Variants in SCAF4 observed in about 807,000 individuals in gnomAD.
SCAF4 encodes SR-related and CTD-associated factor 4.
SCAF4 carries 25 observed loss-of-function variants against 129.8 expected under a neutral mutation model. The ratio of observed to expected loss-of-function variants is 0.19; its 90% CI spans 0.14 to 0.27. SCAF4 has a LOEUF of 0.27. Among genes scored for constraint, SCAF4 ranks in the 10% least tolerant of loss-of-function variants. SCAF4 has a pLI of 1.00. For synonymous variants in SCAF4, 551 were observed against 497.7 expected, an observed-to-expected ratio of 1.11 and a Z score of -1.43; for missense variants, 1,246 against 1,457.1, an observed-to-expected ratio of 0.86 and a Z score of 2.36.
intron 1 of SCAF4, 86 bp downstream of exon 1, chr21:31,731,577 C>T: frequency 2.7e-6 from 4 of 1,496,132 alleles, no homozygotes; most frequent in Non-Finnish European, 3.6e-6. Flanking sequence ...CCACCCGGAC[C>T]AAAGCTTTAA....
intron 3 of SCAF4, among the ~76,000 whole-genome samples, chr21:31,704,746 A>G (rs1024212351): frequency 1.3e-5 from 2 of 152,212 alleles, no homozygotes; most frequent in Non-Finnish European, 2.9e-5. Flanking sequence ...ATTTGTTGAC[A>G]GTGCCTATAG....
In SCAF4 at chr21:31,696,574, T is replaced by A; in HGVS notation, c.954A>T (p.Ala318=). ...PAAASPPPPQ[A]PFGFPGDGMQ... is the part of the protein sequence containing the mutation. ...GAATAAAAAAAAAAACTAACAATGG[T>A]GCCTGTGGAGGAGGAGGAGAGGCAG... is the stretch of plus-strand genomic sequence containing the variant. Residue 318 remains alanine, a synonymous_variant, in exon 8 of 20, where the codon GCA becomes GCT. Coordinates refer to ENST00000286835, the MANE Select transcript of SCAF4 (RefSeq NM_020706.2). 6.4e-7 allele frequency: 1 copy of A among 1,571,412 alleles called. No homozygotes were observed.
At chr21:31,702,131 T>C in intron 5 of SCAF4, 113 bp downstream of exon 5, 1 of 1,435,320 alleles carries the variant, frequency 7.0e-7, no homozygotes, top group Non-Finnish European at 9.6e-7. Context: ...TTCCAAGATG[T>C]AAACTCAAGT....
At chr21:31,712,938 C>T in intron 1 of SCAF4, 3 of 877,398 alleles carry the variant, frequency 3.4e-6, no homozygotes, top group Non-Finnish European at 4.1e-6. Context: ...GTCTTGGTCT[C>T]TAACTCCTAC....
chr21:31,686,152 G>A (rs2050116976), intron 16 of SCAF4, among the ~76,000 whole-genome samples: 1 of 147,086 alleles, frequency 6.8e-6, no homozygotes, highest in South Asian at 2.1e-4. Context: ...GCAGTGAGCC[G>A]AGATTGCACC....
intron 3 of SCAF4, among the ~76,000 whole-genome samples, chr21:31,705,202 T>A (rs986928334): frequency 2.0e-5 from 3 of 152,126 alleles, no homozygotes; most frequent in African/African-American, 7.2e-5. Context: ...AACCAACATA[T>A]AAGAAACTGC....
chr21:31,712,222 CTTT>C (rs11408552), intron 1 of SCAF4, among the ~76,000 whole-genome samples: 3 of 135,426 alleles, frequency 2.2e-5, no homozygotes, highest in Non-Finnish European at 3.1e-5. Context: ...TTGTTTGTTG[CTTT>C]TTTTTTTTTT....
At chr21:31,710,781 T>C (rs2050782320) in intron 1 of SCAF4, among the ~76,000 whole-genome samples, 1 of 152,228 alleles carries the variant, frequency 6.6e-6, no homozygotes, top group African/African-American at 2.4e-5. Flanking sequence ...ACATCAGTTT[T>C]TGAAAGTGAT....
intron 1 of SCAF4, among the ~76,000 whole-genome samples, chr21:31,710,507 C>T (rs1390171953): frequency 1.3e-5 from 2 of 152,148 alleles, no homozygotes; most frequent in African/African-American, 4.8e-5. Context: ...CGAGATGGTG[C>T]CACTACACTC....
chr21:31,707,151 G>A (rs1004963650), intron 1 of SCAF4, among the ~76,000 whole-genome samples: 17 of 152,206 alleles, frequency 1.1e-4, no homozygotes, highest in South Asian at 4.1e-4. Context: ...ACATTCCATA[G>A]ATGGGGGGGT....
chr21:31,691,781 TA>T (rs11351108), intron 14 of SCAF4, 35 bp downstream of exon 14: 58,234 of 1,112,592 alleles, frequency 0.052, 1,840 homozygotes, highest in African/African-American at 0.15. Flanking sequence ...TCTGCCTATT[TA>T]AAAAAAAAAT....
intron 3 of SCAF4, among the ~76,000 whole-genome samples, chr21:31,704,239 T>C (rs2050601494): frequency 6.6e-6 from 1 of 152,154 alleles, no homozygotes; most frequent in Non-Finnish European, 1.5e-5. Flanking sequence ...AATTCACTTA[T>C]TATGATAGTC....
intron 1 of SCAF4, among the ~76,000 whole-genome samples, chr21:31,712,000 G>C (rs540268891): frequency 5.9e-5 from 9 of 152,174 alleles, no homozygotes; most frequent in East Asian, 3.9e-4. Flanking sequence ...TCAAAATACT[G>C]ATCAAATTTC....
intron 19 of SCAF4, chr21:31,684,102 C>T (rs1010566295): frequency 2.6e-5 from 4 of 153,530 alleles, no homozygotes; most frequent in African/African-American, 9.7e-5. Flanking sequence ...CCATTACAAA[C>T]CAATGTCTCA....
chr21:31,710,282 C>T (rs922970442), intron 1 of SCAF4, among the ~76,000 whole-genome samples: 1 of 152,040 alleles, frequency 6.6e-6, no homozygotes, highest in Non-Finnish European at 1.5e-5. Flanking sequence ...GGTGCGGTGG[C>T]TCACACCTGT....
chr21:31,713,551 T>C (rs547405068), intron 1 of SCAF4, among the ~76,000 whole-genome samples: 1 of 152,096 alleles, frequency 6.6e-6, no homozygotes, highest in Non-Finnish European at 1.5e-5. Context: ...AAACTGTGGG[T>C]TGAGATCCAG....
At chr21:31,706,965 G>T in intron 1 of SCAF4, 1 of 305,204 alleles carries the variant, frequency 3.3e-6, no homozygotes, top group South Asian at 2.8e-5. Flanking sequence ...GATTTTAGTA[G>T]GTCTAGAAAC....
intron 19 of SCAF4, among the ~76,000 whole-genome samples, chr21:31,674,455 T>C (rs2049798385): frequency 6.6e-6 from 1 of 152,206 alleles, no homozygotes; most frequent in South Asian, 2.1e-4. Flanking sequence ...CTTTTAACCC[T>C]TTGAGAGCCA....
At chr21:31,708,750 G>T (rs965339213) in intron 1 of SCAF4, among the ~76,000 whole-genome samples, 2 of 152,070 alleles carry the variant, frequency 1.3e-5, no homozygotes, top group Non-Finnish European at 2.9e-5. Flanking sequence ...TCCCTTCCTT[G>T]TTCTCAACCT....
Sources: gnomAD v4.1 joint callset for allele counts (sites outside exome capture counted in the v4.1 genomes callset) on GRCh38, gnomAD v4.1.1 for gene constraint, MANE v1.5 for transcripts, NCBI Gene and HGNC (gene_info 2026-07-23, HGNC 2026-07-21) for gene names.